The following MYRF variants were observed in gnomAD, a reference collection of about 807,000 sequenced individuals.
MYRF encodes the protein myelin regulatory factor.
In MYRF, 16 loss-of-function variants were observed where a neutral mutation model predicts 126.3. The ratio of observed to expected loss-of-function variants is 0.13; its 90% CI spans 0.09 to 0.19. The LOEUF (loss-of-function observed/expected upper bound fraction) is 0.19. Among genes scored for constraint, MYRF ranks in the 10% least tolerant of loss-of-function variants. MYRF has a pLI of 1.00. For synonymous variants in MYRF, 608 were observed against 635.3 expected, an observed-to-expected ratio of 0.96 and a Z score of 0.65; for missense variants, 1,104 against 1,547.0, an observed-to-expected ratio of 0.71 and a Z score of 4.80.
At chr11:61,771,476 C>G (rs777452422) in intron 5 of MYRF, 24 bp from the exon 6 acceptor site, 6 of 1,598,682 alleles carry the variant, frequency 3.8e-6, no homozygotes, top group Admixed American at 3.4e-5. Context: ...CCAGCCCCCA[C>G]GGCGCACACT....
chr11:61,762,115 G>C (rs1197729675), intron 1 of MYRF, among the ~76,000 whole-genome samples: 2 of 152,220 alleles, frequency 1.3e-5, no homozygotes, highest in Non-Finnish European at 2.9e-5. Context: ...GCTTTCTCAG[G>C]CTTAGGGAAC....
Position 61,773,983 on chromosome 11 carries a change from C to G in MYRF, c.1132C>G (p.Arg378Gly). 2.5e-6 allele frequency: 4 copies of G among 1,612,300 alleles called. No homozygotes were observed. The highest frequency in any genetic ancestry group is 3.4e-6 in the Non-Finnish European group (4 of 1,179,710). ...CCCCCCCAGGCCCATGCTCACCTAC[C>G]GCGTGGATGCGGACAAGGGCTTCAA... ...NYKELPMLTY[R>G]VDADKGFNFS... is the part of the protein sequence containing the mutation. Residue 378 changes from arginine (R) to glycine (G), a missense_variant, in exon 8 of 27, where the codon CGC becomes GGC. This residue lies in a region of MYRF where 87 missense variants were observed against 129.2 expected (regional missense o/e 0.67). Coordinates refer to ENST00000278836, the MANE Select transcript of MYRF (RefSeq NM_001127392.3).
chr11:61,765,816 C>A, intron 2 of MYRF, 104 bp downstream of exon 2: 4 of 1,417,856 alleles, frequency 2.8e-6, no homozygotes, highest in African/African-American at 1.4e-5. Context: ...CTGCTGTGGT[C>A]CCACCTCTGA....
chr11:61,770,604 A>G, intron 5 of MYRF, 79 bp downstream of exon 5: 4 of 1,410,744 alleles, frequency 2.8e-6, no homozygotes, highest in Non-Finnish European at 9.5e-7. Context: ...CGGGCAGGCC[A>G]GAGAGGGAGG....
In MYRF at chr11:61,783,707, A is replaced by T; in HGVS notation, c.3119+107A>T. The T allele has an allele frequency of 7.4e-7, 1 of 1,350,928 alleles. No homozygotes were observed. Among genetic ancestry groups the T allele is most frequent in the East Asian group, 2.3e-5 (1 of 42,994 alleles). The allele number at this position is 1,350,928 out of a possible 1,614,324, so 83.7% of individuals were successfully genotyped here. On this transcript the variant is annotated intron_variant, in intron 23 of 26. Coordinates refer to ENST00000278836, the MANE Select transcript of MYRF (RefSeq NM_001127392.3). This position sits in a 1 kb window ranked among gnomAD's most constrained non-coding sequence, Gnocchi z 4.6. ...CTTTCAGGGAGGAGCCTCCCCCATA[A>T]GGAAGGGTAGCCCCTTTCCAGGCTA...
intron 3 of MYRF, chr11:61,767,025 T>A (rs1173949717): frequency 2.2e-6 from 1 of 456,638 alleles, no homozygotes; most frequent in Non-Finnish European, 4.4e-6. Flanking sequence ...TTCTGTGAAG[T>A]GAGCCCTCAA....
At chr11:61,763,720 C>T (rs963208287) in intron 1 of MYRF, among the ~76,000 whole-genome samples, 1 of 152,086 alleles carries the variant, frequency 6.6e-6, no homozygotes, top group Admixed American at 6.5e-5. Flanking sequence ...AAAAAATTAG[C>T]CGTGTGTGGT....
In MYRF at chr11:61,788,317, T is replaced by G. The variant is rs1282196431; in HGVS notation, c.*2174T>G. On this transcript the variant is annotated 3_prime_UTR_variant, in exon 27 of 27. Transcript: ENST00000278836. Reference sequence around the variant, plus strand: ...CCGTGCACCCTTAGAAGCCTGCGTGTGCATAGAGCGCCCCCTACTTCCCAG... The same window carrying G: ...CCGTGCACCCTTAGAAGCCTGCGTGGGCATAGAGCGCCCCCTACTTCCCAG... 2.6e-5 allele frequency: 4 copies of G among 152,352 alleles called. No homozygotes were observed. The highest frequency in any genetic ancestry group is 2.0e-4 in the Admixed American group (3 of 15,276). The allele number at this position is 152,352 out of a possible 1,614,324, so 9.4% of individuals were successfully genotyped here.
chr11:61,775,925 C>T (rs1055809783), intron 8 of MYRF, 131 bp from the exon 9 acceptor site: 25 of 789,534 alleles, frequency 3.2e-5, no homozygotes, highest in African/African-American at 1.0e-4. Flanking sequence ...GTGGGAATCG[C>T]GGCTGAGGGC....
intron 3 of MYRF, chr11:61,767,432 AG>A: frequency 6.6e-6 from 3 of 456,592 alleles, no homozygotes; most frequent in South Asian, 4.6e-5. Context: ...ACTGAGGCTC[AG>A]AGAGGGAAAG....
At chr11:61,780,049 C>A in intron 17 of MYRF, 119 bp downstream of exon 17, 1 of 1,214,798 alleles carries the variant, frequency 8.2e-7, no homozygotes, top group Non-Finnish European at 1.2e-6. Flanking sequence ...GGAGATCAGG[C>A]AGCTGAGGTC....
chr11:61,767,309 G>A (rs1284857010), intron 3 of MYRF: 1 of 456,576 alleles, frequency 2.2e-6, no homozygotes, highest in Non-Finnish European at 4.4e-6. Context: ...GGTGCCCACT[G>A]CTGTATCATG....
chr11:61,761,263 G>GC (rs1555053546), intron 1 of MYRF, among the ~76,000 whole-genome samples: 4 of 151,774 alleles, frequency 2.6e-5, no homozygotes, highest in Admixed American at 6.6e-5. Flanking sequence ...AGCTGGTGGG[G>GC]GGGGGGGCAC....
intron 1 of MYRF, among the ~76,000 whole-genome samples, chr11:61,759,003 C>T (rs192571877): frequency 3.9e-5 from 6 of 152,342 alleles, no homozygotes; most frequent in African/African-American, 9.6e-5. Context: ...CGTGATCATG[C>T]GCATGTCAGT....
Position 61,776,715 on chromosome 11 carries a change from C to A in MYRF, c.1500-72C>A. ...AGGAGGGGGTGAGATGAACATGCAT[C>A]TGGCCAGGGAAAGGGTGGCCCTGGG... On this transcript the variant is annotated intron_variant, in intron 10 of 26. Transcript: ENST00000278836. This position sits in a 1 kb window ranked among gnomAD's most constrained non-coding sequence, Gnocchi z 4.3. 1 of 1,228,834 alleles carries A rather than the reference C, an allele frequency of 8.1e-7. No individual in the cohort carries two copies. Among genetic ancestry groups the A allele is most frequent in the Non-Finnish European group, 1.1e-6 (1 of 876,484 alleles). 76.1% of individuals were successfully genotyped at this position (1,228,834 alleles called of 1,614,324 possible). A position where few individuals can be genotyped will look rare whatever the true frequency, so the allele number is the denominator to read the frequency against.
At position 61,777,709 on chromosome 11, in the gene MYRF, C is replaced by T. The variant is rs1213876059; in HGVS notation, c.1792-25C>T. On this transcript the variant is annotated intron_variant, in intron 12 of 26. Transcript: ENST00000278836. The surrounding 1 kb of genome is among the most constrained non-coding windows in gnomAD (Gnocchi z 8.8). ...CTCCGGGACGGCCGCAGGAGGGGTT[C>T]ATTCCCGGGCCTGGCTCCCCGCAGG... 5 of 1,545,496 alleles carry T rather than the reference C, an allele frequency of 3.2e-6. No individual in the cohort carries two copies. Among genetic ancestry groups the T allele is most frequent in the African/African-American group, 1.4e-5 (1 of 72,932 alleles).
Position 61,777,729 on chromosome 11 carries a change from C to G in MYRF, c.1792-5C>G. The G allele has an allele frequency of 6.5e-7, 1 of 1,549,416 alleles. No individual in the cohort carries two copies. The highest frequency in any genetic ancestry group is 8.7e-7 in the Non-Finnish European group (1 of 1,145,406). On this transcript the variant is annotated splice_region_variant and splice_polypyrimidine_tract_variant and intron_variant, in intron 12 of 26. Transcript: ENST00000278836. The surrounding 1 kb of genome is among the most constrained non-coding windows in gnomAD (Gnocchi z 8.8). ...GGGTTCATTCCCGGGCCTGGCTCCC[C>G]GCAGGTGGACACCACCGAGCAATTG...
chr11:61,788,480 C>G lies in MYRF; in HGVS notation c.*2337C>G, dbSNP rs1300756762. 1 of 152,180 alleles carries G rather than the reference C, an allele frequency of 6.6e-6. No homozygotes were observed. The highest frequency in any genetic ancestry group is 1.9e-4 in the East Asian group (1 of 5,222). 9.4% of individuals were successfully genotyped at this position (152,180 alleles called of 1,614,324 possible). A position where few individuals can be genotyped will look rare whatever the true frequency, so the allele number is the denominator to read the frequency against. On this transcript the variant is annotated 3_prime_UTR_variant, in exon 27 of 27. Coordinates refer to ENST00000278836, the MANE Select transcript of MYRF (RefSeq NM_001127392.3). The stretch of plus-strand genomic sequence containing the variant: ...GTTCGTTTCTTCTGAAGTAAATATA[C>G]ATATATAAATAAATGTATAAATACT...
At chr11:61,754,240 G>A (rs1486563529) in intron 1 of MYRF, 1 of 152,386 alleles carries the variant, frequency 6.6e-6, no homozygotes, top group Non-Finnish European at 1.5e-5. Flanking sequence ...GCACCCCTAA[G>A]CCTCAGTCAT....
Sources: allele counts gnomAD v4.1 joint callset (sites outside exome capture counted in the v4.1 genomes callset), GRCh38; gene constraint gnomAD v4.1.1; regional missense constraint gnomAD v4.1.1; non-coding constraint Gnocchi (gnomAD v3.1); transcripts MANE v1.5; gene names NCBI Gene and HGNC (gene_info 2026-07-23, HGNC 2026-07-21).